Variants in KIDINS220 observed in about 807,000 individuals in gnomAD.
KIDINS220 encodes the protein kinase D-interacting substrate of 220 kDa.
KIDINS220 carries 63 observed loss-of-function variants against 157.6 expected under a neutral mutation model. The ratio of observed to expected loss-of-function variants is 0.40; its 90% CI spans 0.33 to 0.49. The LOEUF is 0.49. KIDINS220 is among the 20% of genes least tolerant of loss of function. The pLI, the probability that KIDINS220 is intolerant of heterozygous loss-of-function variation, is 0.66. For synonymous variants in KIDINS220, 732 were observed against 783.6 expected (o/e 0.93, Z 1.10); for missense variants, 1,772 against 2,171.2 (o/e 0.82, Z 3.65).
intron 22 of KIDINS220, among the ~76,000 whole-genome samples, chr2:8,752,920 T>C (rs1033643236): frequency 1.3e-5 from 2 of 152,310 alleles, no homozygotes; most frequent in African/African-American, 4.8e-5. Flanking sequence ...TCAAGCAATA[T>C]GTAAACAATT....
chr2:8,822,253 G>A (rs1458906949), intron 2 of KIDINS220, among the ~76,000 whole-genome samples: 1 of 152,012 alleles, frequency 6.6e-6, no homozygotes. Context: ...CAGTCCTTCT[G>A]GAGGGTTTCT....
At chr2:8,796,425 G>A (rs1351155684) in intron 11 of KIDINS220, among the ~76,000 whole-genome samples, 1 of 152,154 alleles carries the variant, frequency 6.6e-6, no homozygotes, top group Non-Finnish European at 1.5e-5. Flanking sequence ...CGTCTGCTCT[G>A]AGCATCGGCC....
chr2:8,806,553 C>G (rs1675484478), intron 6 of KIDINS220, among the ~76,000 whole-genome samples, 184 bp from the exon 7 acceptor site: 1 of 152,100 alleles, frequency 6.6e-6, no homozygotes, highest in South Asian at 2.1e-4. Context: ...AGTAGATTAA[C>G]CAGTCCATGA....
chr2:8,836,133 T>C (rs1680352816), intron 1 of KIDINS220, among the ~76,000 whole-genome samples: 1 of 151,844 alleles, frequency 6.6e-6, no homozygotes, highest in Non-Finnish European at 1.5e-5. Context: ...ATGTGACTGG[T>C]TGGAAAAGAA....
chr2:8,766,757 T>C (rs1240200588), intron 22 of KIDINS220, among the ~76,000 whole-genome samples: 1 of 151,946 alleles, frequency 6.6e-6, no homozygotes, highest in Non-Finnish European at 1.5e-5. Flanking sequence ...ATAGGTAAAC[T>C]AAAAAAAAGC....
At chr2:8,776,124 A>G (rs1670933443) in intron 21 of KIDINS220, among the ~76,000 whole-genome samples, 1 of 152,210 alleles carries the variant, frequency 6.6e-6, no homozygotes, top group Non-Finnish European at 1.5e-5. Flanking sequence ...CTCACTTGGA[A>G]TACAGTTCAC....
At chr2:8,760,037 C>G (rs1184670378) in intron 22 of KIDINS220, among the ~76,000 whole-genome samples, 2 of 152,188 alleles carry the variant, frequency 1.3e-5, no homozygotes, top group Non-Finnish European at 1.5e-5. Context: ...GCTCACTGCA[C>G]CAGTTCAAAC....
intron 21 of KIDINS220, among the ~76,000 whole-genome samples, chr2:8,775,040 A>G (rs1670778273): frequency 6.6e-6 from 1 of 152,206 alleles, no homozygotes; most frequent in African/African-American, 2.4e-5. Flanking sequence ...AAATAGACTG[A>G]AAACAGTGCT....
chr2:8,770,888 G>A, intron 21 of KIDINS220, 56 bp from the exon 22 acceptor site: 2 of 1,028,864 alleles, frequency 1.9e-6, no homozygotes, highest in Admixed American at 2.6e-5. Flanking sequence ...AGTATGTTAA[G>A]TAAAACATTT....
chr2:8,798,271 A>C lies in KIDINS220; in HGVS notation c.930T>G (p.Val310=). Residue 310 remains valine, a synonymous_variant, in exon 10 of 30, where the codon GTT becomes GTG. Coordinates refer to ENST00000256707, the MANE Select transcript of KIDINS220 (RefSeq NM_020738.4). The stretch of plus-strand genomic sequence containing the variant: ...TCACCATTGTTGCATTTCCTTTCTC[A>C]ACAGCCCAATACAAAGCAGTTTTAT... ...QDNKTALYWA[V]EKGNATMVRD... 1 of 1,610,702 alleles carries C rather than the reference A, an allele frequency of 6.2e-7. No homozygotes were observed. The highest frequency in any genetic ancestry group is 8.5e-7 in the Non-Finnish European group (1 of 1,177,104).
chr2:8,814,793 G>A (rs946186514), intron 4 of KIDINS220, among the ~76,000 whole-genome samples: 8 of 152,170 alleles, frequency 5.3e-5, no homozygotes, highest in African/African-American at 1.9e-4. Flanking sequence ...AAGAGATGAA[G>A]GCTGACATCA....
chr2:8,737,273 C>T, intron 26 of KIDINS220: 1 of 255,770 alleles, frequency 3.9e-6, no homozygotes, highest in South Asian at 9.9e-5. Context: ...GTCAACTTCT[C>T]AAATGTTTAC....
chr2:8,768,250 A>G (rs1377896768), intron 22 of KIDINS220, among the ~76,000 whole-genome samples: 1 of 152,096 alleles, frequency 6.6e-6, no homozygotes, highest in Non-Finnish European at 1.5e-5. Context: ...GTATGTTAAA[A>G]AAAAAAAAAA....
chr2:8,747,076 T>A (rs774750877), intron 26 of KIDINS220, 69 bp downstream of exon 26: 1 of 1,402,220 alleles, frequency 7.1e-7, no homozygotes, highest in Non-Finnish European at 1.0e-6. Context: ...TCATCACAAT[T>A]AAGACAGTCA....
chr2:8,813,414 T>A, intron 4 of KIDINS220, 79 bp from the exon 5 acceptor site: 1 of 955,146 alleles, frequency 1.0e-6, no homozygotes, highest in Non-Finnish European at 1.6e-6. Flanking sequence ...ATGAAATTTC[T>A]TTAGTAAATA....
chr2:8,727,395 GGTGCCTTCT>G, downstream of KIDINS220: 2 of 327,570 alleles, frequency 6.1e-6, no homozygotes, highest in Non-Finnish European at 8.9e-6. Flanking sequence ...GAAGGGGCAC[GGTGCCTTCT>G]AGTGCTTTTC....
intron 4 of KIDINS220, among the ~76,000 whole-genome samples, chr2:8,814,440 G>A (rs913865548): frequency 6.6e-6 from 1 of 152,140 alleles, no homozygotes; most frequent in African/African-American, 2.4e-5. Context: ...GAAAGATATA[G>A]ATAGATATAT....
chr2:8,731,322 A>C lies in KIDINS220; in HGVS notation c.4714T>G (p.Tyr1572Asp). The change falls in exon 30 of 30, where the codon TAT becomes GAT. Residue 1572 changes from tyrosine to aspartate, a missense_variant. Tyr to Asp is a radical substitution (Grantham distance 160). Around this residue, in one of 3 missense-constraint regions of KIDINS220, gnomAD observed 793 missense variants for 885.5 expected, o/e 0.90. Transcript: ENST00000256707. The surrounding 1 kb of genome is among the most constrained non-coding windows in gnomAD (Gnocchi z 5.2). ...PIRTFIKAKE[Y>D]LSDALLDKKD... is the part of the protein sequence containing the mutation. ...TTGTCAAGGAGCGCATCCGATAAAT[A>C]CTCTTTGGCTTTAATGAAGGTTCTG... 2.5e-6 allele frequency: 4 copies of C among 1,613,768 alleles called. No individual in the cohort carries two copies. Among genetic ancestry groups the C allele is most frequent in the Non-Finnish European group, 3.4e-6 (4 of 1,179,966 alleles).
chr2:8,789,827 A>G, intron 14 of KIDINS220, 53 bp downstream of exon 14: 1 of 1,317,798 alleles, frequency 7.6e-7, no homozygotes, highest in South Asian at 1.4e-5. Flanking sequence ...TTCTTTATCT[A>G]TGAATCTTAA....
Sources: gnomAD v4.1 joint callset for allele counts (sites outside exome capture counted in the v4.1 genomes callset) on GRCh38, gnomAD v4.1.1 for gene constraint, gnomAD v4.1.1 regional missense constraint, Gnocchi (gnomAD v3.1) non-coding constraint, MANE v1.5 for transcripts, NCBI Gene and HGNC (gene_info 2026-07-23, HGNC 2026-07-21) for gene names.